NFIB: variants seen among roughly 807,000 people sequenced by gnomAD.
The protein encoded by NFIB is nuclear factor I B.
In NFIB, 11 loss-of-function variants were observed where a neutral mutation model predicts 61.5. The observed-to-expected ratio is 0.18, with a 90% CI of 0.11 to 0.30. The LOEUF is 0.30. Among genes scored for constraint, NFIB ranks in the 10% least tolerant of loss-of-function variants. The pLI is 1.00. For synonymous variants in NFIB, 260 were observed against 216.5 expected (o/e 1.20, Z -1.76); for missense variants, 471 against 608.9 (o/e 0.77, Z 2.38).
the NFIB span, among the ~76,000 whole-genome samples, chr9:14,416,287 C>T: frequency 6.6e-6 from 1 of 152,112 alleles, no homozygotes; most frequent in Non-Finnish European, 1.5e-5. Flanking sequence ...CCTCCTTCTA[C>T]TTATTTTTAA....
chr9:14,098,366 C>T (rs1202697378), intron 10 of NFIB, among the ~76,000 whole-genome samples: 1 of 152,178 alleles, frequency 6.6e-6, no homozygotes, highest in Non-Finnish European at 1.5e-5. Flanking sequence ...ACAATAAATT[C>T]AGTTTCTCTT....
chr9:14,253,889 G>A (rs1170513555), intron 2 of NFIB, among the ~76,000 whole-genome samples: 1 of 151,994 alleles, frequency 6.6e-6, no homozygotes, highest in South Asian at 2.1e-4. Flanking sequence ...TTGTATTCCA[G>A]CTACACTGGA....
chr9:14,155,562 G>A lies in NFIB; in HGVS notation c.685+263C>T, dbSNP rs1279060362. 3.3e-5 allele frequency among the ~76,000 whole-genome samples: 5 copies of A among 152,186 alleles called. No homozygotes were observed. The South Asian group carries it at 1.0e-3, about 32-fold the overall frequency. On this transcript the variant is annotated intron_variant, in intron 4 of 10. Coordinates refer to ENST00000380953, the MANE Select transcript of NFIB (RefSeq NM_001190737.2). ...AAATGGCCATCTATGGTCATGCAGA[G>A]AACAGTGAATTAAATGAATACCAAT...
chr9:14,125,184 G>C (rs1462440223), intron 7 of NFIB, among the ~76,000 whole-genome samples: 2 of 152,100 alleles, frequency 1.3e-5, no homozygotes, highest in East Asian at 3.9e-4. Flanking sequence ...TTGAGATGGA[G>C]TCTCACTCTG....
intron 1 of NFIB, among the ~76,000 whole-genome samples, chr9:14,378,587 C>G (rs1176066195): frequency 1.3e-5 from 2 of 152,220 alleles, no homozygotes; most frequent in Non-Finnish European, 2.9e-5. Context: ...AATCTCCTGA[C>G]CTTGCAATCC....
chr9:14,152,063 G>C (rs758385332), intron 4 of NFIB, among the ~76,000 whole-genome samples: 2 of 152,098 alleles, frequency 1.3e-5, no homozygotes, highest in African/African-American at 4.8e-5. Context: ...AAGAAAGTAT[G>C]ATTAGGAGGT....
At chr9:14,212,348 T>G (rs1261414267) in intron 2 of NFIB, among the ~76,000 whole-genome samples, 1 of 152,250 alleles carries the variant, frequency 6.6e-6, no homozygotes, top group African/African-American at 2.4e-5. Context: ...CCTGGAAGGT[T>G]ATACAAATGA....
chr9:14,364,493 G>A (rs778963717), intron 1 of NFIB, among the ~76,000 whole-genome samples: 1 of 152,194 alleles, frequency 6.6e-6, no homozygotes, highest in East Asian at 1.9e-4. Flanking sequence ...AAGAAAATGT[G>A]TTAGTGAGAA....
At position 14,307,451 on chromosome 9, in the gene NFIB, G is replaced by A. The variant is rs777820654; in HGVS notation, c.100C>T (p.Leu34=). ...VRAIAYTWFN[L]QARKRKYFKK... Reference sequence around the variant, plus strand: ...AAGTACTTGCGTTTTCGAGCCTGCAGGTTGAACCAAGTATAGGCAATTGCA... The same window carrying A: ...AAGTACTTGCGTTTTCGAGCCTGCAAGTTGAACCAAGTATAGGCAATTGCA... Residue 34 remains leucine (L), a synonymous_variant, in exon 2 of 11, where the codon CTG becomes TTG. Coordinates refer to ENST00000380953, the MANE Select transcript of NFIB (RefSeq NM_001190737.2). This position sits in a 1 kb window ranked among gnomAD's most constrained non-coding sequence, Gnocchi z 5.3. 6.8e-6 allele frequency: 11 copies of A among 1,613,936 alleles called. No individual in the cohort carries two copies. The highest frequency in any genetic ancestry group is 9.3e-6 in the Non-Finnish European group (11 of 1,179,990).
At chr9:14,512,875 G>T in the NFIB span, among the ~76,000 whole-genome samples, 1 of 137,270 alleles carries the variant, frequency 7.3e-6, no homozygotes, top group Non-Finnish European at 1.5e-5. Flanking sequence ...TCCAGACATG[G>T]AAATTATTTG....
At chr9:14,291,125 T>G (rs1024267830) in intron 2 of NFIB, among the ~76,000 whole-genome samples, 1 of 152,120 alleles carries the variant, frequency 6.6e-6, no homozygotes, top group East Asian at 1.9e-4. Flanking sequence ...CAGAGTCTCT[T>G]GATATACATA....
chr9:14,449,931 T>A, the NFIB span, among the ~76,000 whole-genome samples: 2 of 151,984 alleles, frequency 1.3e-5, no homozygotes, highest in Non-Finnish European at 2.9e-5. Context: ...CAAGACTCCA[T>A]CTTGATTAAA....
the NFIB span, among the ~76,000 whole-genome samples, chr9:14,516,692 AG>A: frequency 6.6e-6 from 1 of 152,242 alleles, no homozygotes; most frequent in African/African-American, 2.4e-5. Flanking sequence ...GCCTTGTAAG[AG>A]AAAAATCATC....
intron 1 of NFIB, among the ~76,000 whole-genome samples, chr9:14,376,465 C>G (rs1359196569): frequency 6.6e-6 from 1 of 151,874 alleles, no homozygotes. Flanking sequence ...CTTCACTTCT[C>G]TCTTTCATAC....
chr9:14,337,658 G>A (rs2060900749), intron 1 of NFIB, among the ~76,000 whole-genome samples: 2 of 152,172 alleles, frequency 1.3e-5, no homozygotes, highest in Non-Finnish European at 2.9e-5. Context: ...GGGTGGCGGG[G>A]GACACATGCC....
chr9:14,406,029 A>G, the NFIB span, among the ~76,000 whole-genome samples: 1 of 152,232 alleles, frequency 6.6e-6, no homozygotes, highest in Non-Finnish European at 1.5e-5. Flanking sequence ...TTATTAAAAT[A>G]GGCTTTGGGC....
At chr9:14,344,065 C>T (rs1286684704) in intron 1 of NFIB, among the ~76,000 whole-genome samples, 1 of 146,452 alleles carries the variant, frequency 6.8e-6, no homozygotes, top group African/African-American at 2.6e-5. Flanking sequence ...CCAGAGTATG[C>T]TAATATGCTG....
At chr9:14,466,128 G>A in the NFIB span, among the ~76,000 whole-genome samples, 6 of 152,124 alleles carry the variant, frequency 3.9e-5, no homozygotes, top group Admixed American at 6.5e-5. Context: ...ACGGGTGTTC[G>A]GAGAGAGCCC....
intron 1 of NFIB, among the ~76,000 whole-genome samples, chr9:14,354,000 T>C (rs1401488309): frequency 6.6e-6 from 1 of 152,020 alleles, no homozygotes; most frequent in Non-Finnish European, 1.5e-5. Context: ...TCACTTAAAA[T>C]GTTCCAACCT....
Sources: allele counts gnomAD v4.1 joint callset (sites outside exome capture counted in the v4.1 genomes callset), GRCh38; gene constraint gnomAD v4.1.1; non-coding constraint Gnocchi (gnomAD v3.1); transcripts MANE v1.5; gene names NCBI Gene and HGNC (gene_info 2026-07-23, HGNC 2026-07-21).